Variants in HERC1 observed in about 807,000 individuals in gnomAD.
The protein encoded by HERC1 is HECT and RLD domain containing E3 ubiquitin protein ligase family member 1, also known as probable E3 ubiquitin-protein ligase HERC1.
A neutral mutation model predicts 554.3 loss-of-function variants in HERC1; 160 were observed. The ratio of observed to expected loss-of-function variants is 0.29; its 90% CI spans 0.25 to 0.33. HERC1 has a LOEUF of 0.33. HERC1 is among the 10% of genes least tolerant of loss of function. The pLI, the probability that HERC1 is intolerant of heterozygous loss-of-function variation, is 1.00. For synonymous variants in HERC1, 2,175 were observed against 2,131.7 expected (o/e 1.02, Z -0.56); for missense variants, 4,919 against 5,918.5 (o/e 0.83, Z 5.54).
At chr15:63,827,912 T>C (rs2077996945) in intron 1 of HERC1, among the ~76,000 whole-genome samples, 1 of 152,090 alleles carries the variant, frequency 6.6e-6, no homozygotes, top group Non-Finnish European at 1.5e-5. Context: ...TATGATCCAT[T>C]AACACAAAAC....
At position 63,658,530 on chromosome 15, in the gene HERC1, AAAAT is replaced by A; in HGVS notation, c.9599+10_9599+13del. ...AAGTTAACTTAGCATCATGTGACAT[AAAAT>A]AACACTTACCTGACTGAGAGAAGAG... On this transcript the variant is annotated intron_variant, in intron 48 of 77. Transcript: ENST00000443617. 2 of 1,595,444 alleles carry A rather than the reference AAAAT, an allele frequency of 1.3e-6. No individual in the cohort carries two copies. Among genetic ancestry groups the A allele is most frequent in the Non-Finnish European group, 1.7e-6 (2 of 1,167,084 alleles).
intron 66 of HERC1, among the ~76,000 whole-genome samples, chr15:63,634,502 C>T (rs1290177227): frequency 1.3e-5 from 2 of 152,120 alleles, no homozygotes; most frequent in Non-Finnish European, 2.9e-5. Context: ...AAAATATTCA[C>T]GTCCTGAAAT....
At chr15:63,805,799 C>T (rs1345588518) in intron 1 of HERC1, among the ~76,000 whole-genome samples, 1 of 151,960 alleles carries the variant, frequency 6.6e-6, no homozygotes, top group Non-Finnish European at 1.5e-5. Context: ...ATAAGTTAGC[C>T]ATGTATAGTG....
Position 63,666,154 on chromosome 15 carries a change from T to C in HERC1, c.8324-4A>G, listed in dbSNP as rs202206215. On this transcript the variant is annotated splice_region_variant and splice_polypyrimidine_tract_variant and intron_variant, in intron 41 of 77. Coordinates refer to ENST00000443617, the MANE Select transcript of HERC1 (RefSeq NM_003922.4). ...GCATCAGCCTCTCCCCTAGCACCTA[T>C]ACAGGGGAAAAACAGTCTGATGCTG... is the stretch of plus-strand genomic sequence containing the variant. 2.0e-5 allele frequency: 32 copies of C among 1,602,278 alleles called. No individual in the cohort carries two copies. The highest frequency in any genetic ancestry group is 3.3e-5 in the South Asian group (3 of 90,334).
chr15:63,813,787 T>C lies in HERC1; in HGVS notation c.-27+20040A>G, dbSNP rs185627318. 1.2e-4 allele frequency among the ~76,000 whole-genome samples: 19 copies of C among 152,240 alleles called. No individual in the cohort carries two copies. In the East Asian group the frequency reaches 3.7e-3, roughly 29 times the overall value. On this transcript the variant is annotated intron_variant, in intron 1 of 77. Transcript: ENST00000443617. Reference sequence around the variant, plus strand: ...CCTCTTTCAAGAATACAGCATTTTGTCCAGGTATGGTGGCTCGCGCCTGTA... The same window carrying C: ...CCTCTTTCAAGAATACAGCATTTTGCCCAGGTATGGTGGCTCGCGCCTGTA...
chr15:63,826,427 C>T (rs988958232), intron 1 of HERC1, among the ~76,000 whole-genome samples: 2 of 151,958 alleles, frequency 1.3e-5, no homozygotes, highest in Non-Finnish European at 2.9e-5. Context: ...CTGTATATAC[C>T]GTTCAAAATA....
At chr15:63,656,570 C>T (rs148149215) in intron 48 of HERC1, among the ~76,000 whole-genome samples, 107 of 152,292 alleles carry the variant, frequency 7.0e-4, no homozygotes, top group African/African-American at 2.4e-3. Flanking sequence ...TTGGCATATA[C>T]TTGAAGTACA....
intron 1 of HERC1, among the ~76,000 whole-genome samples, chr15:63,789,834 A>AAATAAATAAATAAATG (rs1567130354): frequency 6.7e-6 from 1 of 149,898 alleles, no homozygotes; most frequent in African/African-American, 2.5e-5. Context: ...ATAAATAAAT[A>AAATAAATAAATAAATG]AATGTATTAT....
intron 44 of HERC1, among the ~76,000 whole-genome samples, chr15:63,662,505 A>G (rs1271430757): frequency 2.0e-5 from 3 of 152,218 alleles, no homozygotes; most frequent in South Asian, 2.1e-4. Flanking sequence ...ACCAATGTAT[A>G]TACAAATCCA....
rs983218899 is a variant in HERC1 at position 63,729,565 on chromosome 15, G to C, written c.2953C>G (p.Leu985Val). ...TGTAGTGAACATAGCAGTTCATGAA[G>C]ATGAGCAGGCTGACTGTTTTCTGAT... ...SSSENSQPAHLHELLCSLQKQ... is the reference protein window; with the variant it reads ...SSSENSQPAHVHELLCSLQKQ... Residue 985 changes from leucine to valine, a missense_variant, in exon 15 of 78, where the codon CTT (leucine) becomes GTT (valine). Transcript: ENST00000443617. 7 of 1,613,778 alleles carry C rather than the reference G, an allele frequency of 4.3e-6. No homozygotes were observed. Among genetic ancestry groups the C allele is most frequent in the Non-Finnish European group, 5.9e-6 (7 of 1,179,696 alleles).
chr15:63,698,084 G>T (rs902540100), intron 26 of HERC1, among the ~76,000 whole-genome samples: 1 of 152,138 alleles, frequency 6.6e-6, no homozygotes, highest in East Asian at 1.9e-4. Context: ...CTAACCTGAA[G>T]CAGGTGTCTA....
chr15:63,716,244 T>G, intron 22 of HERC1, 58 bp downstream of exon 22: 2 of 1,467,072 alleles, frequency 1.4e-6, no homozygotes, highest in Non-Finnish European at 9.3e-7. Context: ...TCAAGTTAGT[T>G]CCCCTATCAA....
intron 1 of HERC1, among the ~76,000 whole-genome samples, chr15:63,811,086 TATGA>T (rs2077292294): frequency 6.6e-6 from 1 of 152,062 alleles, no homozygotes; most frequent in African/African-American, 2.4e-5. Context: ...AAAAGCAATA[TATGA>T]ATGTGATTGG....
intron 36 of HERC1, 84 bp from the exon 37 acceptor site, chr15:63,678,449 T>C (rs2071312570): frequency 1.4e-6 from 2 of 1,430,376 alleles, no homozygotes; most frequent in East Asian, 2.5e-5. Flanking sequence ...TAGAATCCCA[T>C]GTTGAACTAG....
chr15:63,789,084 T>G (rs1188739808), intron 1 of HERC1, among the ~76,000 whole-genome samples: 1 of 103,822 alleles, frequency 9.6e-6, no homozygotes, highest in Non-Finnish European at 1.9e-5. Context: ...AAAGGTTTTT[T>G]TTTTTTTTTT....
rs566205111 is a variant in HERC1 at position 63,608,983 on chromosome 15, C to T, written c.*98G>A. The T allele has an allele frequency of 9.5e-7, 1 of 1,057,420 alleles. No individual in the cohort carries two copies. Among genetic ancestry groups the T allele is most frequent in the Non-Finnish European group, 1.3e-6 (1 of 753,666 alleles). 65.5% of individuals were successfully genotyped at this position (1,057,420 alleles called of 1,614,324 possible). A position where few individuals can be genotyped will look rare whatever the true frequency, so the allele number is the denominator to read the frequency against. On this transcript the variant is annotated 3_prime_UTR_variant, in exon 78 of 78. Coordinates refer to ENST00000443617, the MANE Select transcript of HERC1 (RefSeq NM_003922.4). ...ATTGTTTATAATGTTGGTTTATGTT[C>T]TTATAACATCTATGTAGTTACCATA...
chr15:63,812,003 C>T (rs1207800849), intron 1 of HERC1, among the ~76,000 whole-genome samples: 3 of 152,088 alleles, frequency 2.0e-5, no homozygotes, highest in African/African-American at 7.2e-5. Flanking sequence ...TTCCTTACAA[C>T]ATAATCATTT....
chr15:63,746,830 T>A, intron 12 of HERC1, 88 bp downstream of exon 12: 1 of 1,111,874 alleles, frequency 9.0e-7, no homozygotes, highest in Non-Finnish European at 1.3e-6. Context: ...ATTGAAATTG[T>A]CCAATGTACA....
intron 26 of HERC1, among the ~76,000 whole-genome samples, chr15:63,696,859 C>T (rs1055709880): frequency 1.3e-5 from 2 of 150,366 alleles, no homozygotes; most frequent in Non-Finnish European, 2.9e-5. Context: ...CTGTGGTTTT[C>T]TTGAACTTCT....
Sources: gnomAD v4.1 joint callset for allele counts (sites outside exome capture counted in the v4.1 genomes callset) on GRCh38, gnomAD v4.1.1 for gene constraint, MANE v1.5 for transcripts, NCBI Gene and HGNC (gene_info 2026-07-23, HGNC 2026-07-21) for gene names.